The following ROBO1 variants were observed in gnomAD, a reference collection of about 807,000 sequenced individuals.
ROBO1 encodes the protein roundabout guidance receptor 1, also known as roundabout homolog 1.
In ROBO1, 149 loss-of-function variants were observed where a neutral mutation model predicts 195.9. The ratio of observed to expected loss-of-function variants is 0.76; its 90% CI spans 0.67 to 0.87. The LOEUF (loss-of-function observed/expected upper bound fraction) is 0.87, where lower values mean the gene tolerates loss of function less well. Ranked by LOEUF, ROBO1 falls within the 40% of genes least tolerant of loss-of-function variation. The pLI, the probability that ROBO1 is intolerant of heterozygous loss-of-function variation, is 0.00. For missense variants in ROBO1, 1,933 were observed against 2,068.3 expected (o/e 0.93, Z 1.27); for synonymous variants, 816 against 733.2 (o/e 1.11, Z -1.82).
chr3:79,421,438 G>A (rs904425876), intron 2 of ROBO1, among the ~76,000 whole-genome samples: 39 of 152,074 alleles, frequency 2.6e-4, no homozygotes, highest in African/African-American at 7.5e-4. Flanking sequence ...AAATCTGCCC[G>A]GAGACTGCCA....
chr3:79,161,268 GC>G (rs2080959616), intron 2 of ROBO1, among the ~76,000 whole-genome samples: 1 of 152,096 alleles, frequency 6.6e-6, no homozygotes, highest in Non-Finnish European at 1.5e-5. Context: ...CCTGACTGCT[GC>G]ATCTCTTCTA....
At chr3:79,240,972 A>ATTT (rs1559758205) in intron 2 of ROBO1, among the ~76,000 whole-genome samples, 1 of 152,118 alleles carries the variant, frequency 6.6e-6, no homozygotes, top group Non-Finnish European at 1.5e-5. Flanking sequence ...ATATAGTAAA[A>ATTT]TTTTTATACT....
At chr3:78,789,713 T>C (rs2083958894) in intron 4 of ROBO1, among the ~76,000 whole-genome samples, 1 of 152,160 alleles carries the variant, frequency 6.6e-6, no homozygotes, top group Non-Finnish European at 1.5e-5. Context: ...CTGCTTCAGT[T>C]TTCCAGTGCT....
chr3:79,744,701 G>T (rs1703795065), intron 1 of ROBO1, among the ~76,000 whole-genome samples: 1 of 152,024 alleles, frequency 6.6e-6, no homozygotes. Flanking sequence ...GAAGGCCAAG[G>T]TGACTAAGAT....
chr3:79,400,989 T>A (rs2106783203), intron 2 of ROBO1, among the ~76,000 whole-genome samples: 1 of 151,978 alleles, frequency 6.6e-6, no homozygotes, highest in East Asian at 1.9e-4. Context: ...TTATTGACTT[T>A]GCAAAGCATA....
At chr3:78,711,322 TCTCTCCTTCCTTCCTTCCTTCCTTC>T (rs1559772364) in intron 8 of ROBO1, among the ~76,000 whole-genome samples, 1 of 140,072 alleles carries the variant, frequency 7.1e-6, no homozygotes, top group African/African-American at 2.8e-5. Context: ...TTTCTCTCTC[TCTCTCCTTCCTTCCTTCCTTCCTTC>T]CTCCTTCCTT....
intron 2 of ROBO1, among the ~76,000 whole-genome samples, chr3:79,207,963 C>T (rs2081901144): frequency 6.6e-6 from 1 of 152,064 alleles, no homozygotes; most frequent in Admixed American, 6.6e-5. Flanking sequence ...GTGAAAATAT[C>T]TGACATATTT....
chr3:79,015,098 C>T (rs2077890641), intron 3 of ROBO1, among the ~76,000 whole-genome samples: 1 of 152,132 alleles, frequency 6.6e-6, no homozygotes, highest in African/African-American at 2.4e-5. Context: ...GGTAAACTTT[C>T]TGTTCTAAGA....
chr3:79,670,722 C>T (rs1472471913), intron 1 of ROBO1, among the ~76,000 whole-genome samples: 1 of 151,796 alleles, frequency 6.6e-6, no homozygotes, highest in Non-Finnish European at 1.5e-5. Context: ...ACTCAGCATT[C>T]AAACTGAAGT....
chr3:78,720,350 T>C (rs1483401462), intron 5 of ROBO1, among the ~76,000 whole-genome samples: 3 of 152,190 alleles, frequency 2.0e-5, no homozygotes, highest in Non-Finnish European at 2.9e-5. Context: ...AAAATGCTCA[T>C]CATCACTGGC....
At chr3:78,763,565 C>G (rs1471102320) in intron 4 of ROBO1, among the ~76,000 whole-genome samples, 1 of 152,110 alleles carries the variant, frequency 6.6e-6, no homozygotes, top group Non-Finnish European at 1.5e-5. Context: ...TATAAGCAGA[C>G]TTTACAAAAA....
chr3:78,777,891 G>C (rs2083551925), intron 4 of ROBO1, among the ~76,000 whole-genome samples: 1 of 152,188 alleles, frequency 6.6e-6, no homozygotes, highest in Admixed American at 6.5e-5. Context: ...AGTGGTGAGA[G>C]AGGGCATCCT....
intron 2 of ROBO1, among the ~76,000 whole-genome samples, chr3:79,433,586 T>C (rs568193797): frequency 3.3e-5 from 5 of 152,164 alleles, no homozygotes; most frequent in African/African-American, 7.2e-5. Flanking sequence ...TCCATGTTCA[T>C]GGGTAGGAAG....
At chr3:78,751,268 G>A (rs1270545761) in intron 4 of ROBO1, among the ~76,000 whole-genome samples, 3 of 151,882 alleles carry the variant, frequency 2.0e-5, no homozygotes, top group Middle Eastern at 3.4e-3. Context: ...AAGGCTCCTC[G>A]GGGGAGAGGA....
intron 2 of ROBO1, among the ~76,000 whole-genome samples, chr3:79,428,847 G>C (rs986985547): frequency 2.0e-5 from 3 of 151,614 alleles, no homozygotes. Context: ...AATACTCTAT[G>C]TTAAGTGAAA....
At chr3:79,507,170 G>A (rs1362759796) in intron 2 of ROBO1, among the ~76,000 whole-genome samples, 1 of 152,094 alleles carries the variant, frequency 6.6e-6, no homozygotes, top group Non-Finnish European at 1.5e-5. Context: ...GGAGAGTGAG[G>A]AGCATGATGA....
At chr3:79,499,563 T>TC (rs1456048271) in intron 2 of ROBO1, among the ~76,000 whole-genome samples, 1 of 152,176 alleles carries the variant, frequency 6.6e-6, no homozygotes, top group Admixed American at 6.5e-5. Flanking sequence ...ATTCAATTTT[T>TC]CCCTTATTCC....
chr3:79,562,283 C>T (rs1222345041), intron 2 of ROBO1, among the ~76,000 whole-genome samples: 1 of 152,004 alleles, frequency 6.6e-6, no homozygotes, highest in East Asian at 1.9e-4. Context: ...TGTGCACACA[C>T]ACACACATAC....
chr3:78,717,851 G>A lies in ROBO1; in HGVS notation c.690C>T (p.Thr230=). 1 of 1,613,404 alleles carries A rather than the reference G, an allele frequency of 6.2e-7. No homozygotes were observed. The highest frequency in any genetic ancestry group is 8.5e-7 in the Non-Finnish European group (1 of 1,179,612). The change falls in exon 6 of 31, where the codon ACC becomes ACT. Residue 230 remains threonine, a synonymous_variant. Coordinates refer to ENST00000464233, the MANE Select transcript of ROBO1 (RefSeq NM_002941.4). ...IRGGKLMITY[T]RKSDAGKYVC... ...CATATTTGCCAGCGTCACTTTTACG[G>A]GTGTAAGTGATCATGAGCTTTCCTC...
Sources: gnomAD v4.1 joint callset for allele counts (sites outside exome capture counted in the v4.1 genomes callset) on GRCh38, gnomAD v4.1.1 for gene constraint, MANE v1.5 for transcripts, NCBI Gene and HGNC (gene_info 2026-07-23, HGNC 2026-07-21) for gene names.